The following EXOC4 variants were observed in gnomAD, a reference collection of about 807,000 sequenced individuals.
EXOC4 encodes the protein exocyst complex component 4, also known as SEC8-like 1.
In EXOC4, 71 loss-of-function variants were observed where a neutral mutation model predicts 107.2. The ratio of observed to expected loss-of-function variants is 0.66; its 90% confidence interval spans 0.55 to 0.81. The LOEUF is 0.81. Among genes scored for constraint, EXOC4 ranks in the 30% least tolerant of loss-of-function variants. The pLI is 0.00. For missense variants in EXOC4, 1,108 were observed against 1,189.6 expected, an observed-to-expected ratio of 0.93 and a Z score of 1.01; for synonymous variants, 456 against 441.2, an observed-to-expected ratio of 1.03 and a Z score of -0.42.
intron 9 of EXOC4, among the ~76,000 whole-genome samples, chr7:133,582,925 AATAAC>A (rs1238481225): frequency 6.6e-6 from 1 of 152,238 alleles, no homozygotes; most frequent in Non-Finnish European, 1.5e-5. Context: ...TCCTTTGGGA[AATAAC>A]AGTATATGTA....
chr7:133,356,950 G>A (rs1290376282), intron 6 of EXOC4, among the ~76,000 whole-genome samples: 1 of 152,174 alleles, frequency 6.6e-6, no homozygotes, highest in Admixed American at 6.5e-5. Flanking sequence ...ATTGCTCTCC[G>A]GCCTAGGTGA....
intron 1 of EXOC4, among the ~76,000 whole-genome samples, chr7:133,260,260 C>A (rs916892879): frequency 6.7e-6 from 1 of 149,724 alleles, no homozygotes; most frequent in Non-Finnish European, 1.5e-5. Flanking sequence ...ATAGTGTAAG[C>A]CCTTTAACTG....
chr7:133,335,892 T>A (rs1795501410), intron 5 of EXOC4, among the ~76,000 whole-genome samples: 1 of 152,180 alleles, frequency 6.6e-6, no homozygotes, highest in African/African-American at 2.4e-5. Context: ...CTAATGGGTA[T>A]GAGGATATAT....
chr7:133,534,263 A>G (rs1224537783), intron 9 of EXOC4, among the ~76,000 whole-genome samples: 1 of 152,156 alleles, frequency 6.6e-6, no homozygotes, highest in African/African-American at 2.4e-5. Flanking sequence ...TGAAATGTAC[A>G]TTTGCACAAA....
At chr7:133,930,399 CATA>C (rs1187741247) in intron 13 of EXOC4, 1 of 152,212 alleles carries the variant, frequency 6.6e-6, no homozygotes, top group Non-Finnish European at 1.5e-5. Flanking sequence ...TTTCCAAACT[CATA>C]GAGCATTTCC....
chr7:133,987,125 C>A (rs1238003717), intron 14 of EXOC4, among the ~76,000 whole-genome samples: 1 of 151,968 alleles, frequency 6.6e-6, no homozygotes, highest in East Asian at 1.9e-4. Context: ...TAGGAAGGTA[C>A]TATTAATAGT....
chr7:133,877,836 C>T (rs1227476096), intron 11 of EXOC4, among the ~76,000 whole-genome samples: 1 of 152,210 alleles, frequency 6.6e-6, no homozygotes, highest in Non-Finnish European at 1.5e-5. Context: ...TATTTTGCCA[C>T]AGTAGACTGT....
chr7:133,420,806 T>C (rs1184175759), intron 7 of EXOC4, among the ~76,000 whole-genome samples: 1 of 151,792 alleles, frequency 6.6e-6, no homozygotes, highest in Non-Finnish European at 1.5e-5. Context: ...GTGAATTGTT[T>C]TATGGTCAGC....
intron 5 of EXOC4, 34 bp from the exon 6 acceptor site, chr7:133,356,296 C>G (rs1279769002): frequency 5.0e-6 from 8 of 1,607,472 alleles, no homozygotes; most frequent in Non-Finnish European, 6.8e-6. Context: ...TGAGTGGAGT[C>G]TGTATCTATT....
At chr7:134,026,220 C>T (rs1795133370) in intron 17 of EXOC4, among the ~76,000 whole-genome samples, 1 of 151,676 alleles carries the variant, frequency 6.6e-6, no homozygotes, top group Non-Finnish European at 1.5e-5. Context: ...CTTCTATTTG[C>T]ATCTGCTTGT....
Position 133,270,166 on chromosome 7 carries a change from C to T in EXOC4, c.87-4816C>T, listed in dbSNP as rs192473187. Reference sequence around the variant, plus strand: ...AGCTCTATTCTCTTGTCTGCTGCCACGTGAGATGTGCCTTTCACCTTCTGC... The same window carrying T: ...AGCTCTATTCTCTTGTCTGCTGCCATGTGAGATGTGCCTTTCACCTTCTGC... On this transcript the variant is annotated intron_variant, in intron 1 of 17. Coordinates refer to ENST00000253861, the MANE Select transcript of EXOC4 (RefSeq NM_021807.4). 1.5e-3 allele frequency among the ~76,000 whole-genome samples: 230 copies of T among 152,246 alleles called. 1 individual carries two copies. Among genetic ancestry groups the T allele is most frequent in the Middle Eastern group, 3.4e-3 (1 of 294 alleles).
chr7:133,430,088 C>G (rs1189211277), intron 7 of EXOC4, among the ~76,000 whole-genome samples: 1 of 152,192 alleles, frequency 6.6e-6, no homozygotes, highest in African/African-American at 2.4e-5. Flanking sequence ...AATCAGGTCA[C>G]ATGGACTTGA....
At chr7:133,901,076 G>T (rs549531119) in intron 12 of EXOC4, among the ~76,000 whole-genome samples, 1 of 152,108 alleles carries the variant, frequency 6.6e-6, no homozygotes, top group South Asian at 2.1e-4. Flanking sequence ...CACCATGTTG[G>T]CCAGGCTGGT....
intron 9 of EXOC4, among the ~76,000 whole-genome samples, chr7:133,565,810 G>A (rs1800895921): frequency 6.6e-6 from 1 of 152,142 alleles, no homozygotes; most frequent in Non-Finnish European, 1.5e-5. Flanking sequence ...CATGTCAGAT[G>A]TGTTCCTTCC....
intron 5 of EXOC4, among the ~76,000 whole-genome samples, chr7:133,347,729 T>C (rs1205605217): frequency 6.6e-6 from 1 of 152,214 alleles, no homozygotes; most frequent in Non-Finnish European, 1.5e-5. Flanking sequence ...TCCATATCTA[T>C]ACATACAATG....
chr7:134,040,761 A>C (rs1795496437), intron 17 of EXOC4, among the ~76,000 whole-genome samples: 5 of 152,208 alleles, frequency 3.3e-5, no homozygotes, highest in African/African-American at 1.2e-4. Flanking sequence ...GTAATATTGC[A>C]TGTCAGCAAA....
chr7:133,693,897 G>T (rs1794474834), intron 10 of EXOC4, among the ~76,000 whole-genome samples: 2 of 152,110 alleles, frequency 1.3e-5, no homozygotes, highest in Non-Finnish European at 1.5e-5. Context: ...TTGTGTAGGG[G>T]TGTTCAAGGC....
At chr7:133,778,616 G>A (rs963336238) in intron 10 of EXOC4, among the ~76,000 whole-genome samples, 1 of 152,168 alleles carries the variant, frequency 6.6e-6, no homozygotes, top group Non-Finnish European at 1.5e-5. Context: ...ATTCTAAGAT[G>A]CAGATAGGTC....
At chr7:134,007,210 T>C (rs944133511) in intron 16 of EXOC4, among the ~76,000 whole-genome samples, 18 of 152,168 alleles carry the variant, frequency 1.2e-4, no homozygotes, top group African/African-American at 3.9e-4. Context: ...ATTGATTTTA[T>C]TTATGTAGCT....
Sources: gnomAD v4.1 joint callset for allele counts (sites outside exome capture counted in the v4.1 genomes callset) on GRCh38, gnomAD v4.1.1 for gene constraint, MANE v1.5 for transcripts, NCBI Gene and HGNC (gene_info 2026-07-23, HGNC 2026-07-21) for gene names.